Variants in STK10 observed in about 807,000 individuals in gnomAD.
STK10 encodes serine/threonine kinase 10.
A neutral mutation model predicts 113.8 loss-of-function variants in STK10; 78 were observed. That is an observed-to-expected ratio of 0.69 (90% CI 0.57 to 0.83). The LOEUF is 0.83. STK10 is among the 40% of genes least tolerant of loss of function. The pLI is 0.00. For synonymous variants in STK10, 465 were observed against 494.7 expected, an observed-to-expected ratio of 0.94 and a Z score of 0.80; for missense variants, 1,109 against 1,280.1, an observed-to-expected ratio of 0.87 and a Z score of 2.04.
At chr5:172,186,113 A>G (rs1362069180) in intron 1 of STK10, among the ~76,000 whole-genome samples, 1 of 152,028 alleles carries the variant, frequency 6.6e-6, no homozygotes, top group Non-Finnish European at 1.5e-5. Flanking sequence ...GTCTCTACTA[A>G]AAAAACAAAA....
chr5:172,096,551 C>T lies in STK10; in HGVS notation c.880G>A (p.Val294Ile), dbSNP rs377461679. 53 of 1,613,290 alleles carry T rather than the reference C, an allele frequency of 3.3e-5. No individual in the cohort carries two copies. The East Asian group carries it at 5.1e-4, about 16-fold the overall frequency. The change falls in exon 8 of 19, where the codon GTC becomes ATC. Residue 294 changes from valine to isoleucine, a missense_variant. Physicochemically the swap from Val to Ile is conservative, Grantham distance 29. Around this residue, in one of 5 missense-constraint regions of STK10, gnomAD observed 885 missense variants for 991.1 expected, o/e 0.89. Transcript: ENST00000176763. ...GCCTTGTTACTGGTGATGCTGCTGACGAAGGGATGCTGAGGGGGCAAGATG... is the reference window on the plus strand; with the variant it reads ...GCCTTGTTACTGGTGATGCTGCTGATGAAGGGATGCTGAGGGGGCAAGATG... ...SAAQLLEHPF[V>I]SSITSNKALR...
At chr5:172,166,057 C>A (rs1190498245) in intron 1 of STK10, among the ~76,000 whole-genome samples, 1 of 152,144 alleles carries the variant, frequency 6.6e-6, no homozygotes, top group African/African-American at 2.4e-5. Flanking sequence ...CCTCCCAAAG[C>A]GCAGGGATTA....
intron 3 of STK10, among the ~76,000 whole-genome samples, chr5:172,123,591 CT>C (rs1388671485): frequency 6.6e-6 from 1 of 152,198 alleles, no homozygotes; most frequent in Admixed American, 6.5e-5. Flanking sequence ...TTTTCCCCTT[CT>C]TTTTTTAGTA....
chr5:172,173,536 C>T (rs1271234367), intron 1 of STK10, among the ~76,000 whole-genome samples: 3 of 152,220 alleles, frequency 2.0e-5, no homozygotes, highest in Admixed American at 1.3e-4. Flanking sequence ...CTACAACTCA[C>T]CCTGGGGCAG....
intron 16 of STK10, among the ~76,000 whole-genome samples, chr5:172,055,364 T>C (rs1196291802): frequency 3.3e-5 from 5 of 152,080 alleles, no homozygotes; most frequent in Admixed American, 3.3e-4. Context: ...TAAAAAATTA[T>C]TTTTTTGTAG....
At chr5:172,045,580 T>C (rs1767480548) in intron 18 of STK10, 1 of 380,976 alleles carries the variant, frequency 2.6e-6, no homozygotes, top group Admixed American at 3.3e-5. Context: ...AGGCCTTCTG[T>C]ACTGTACAAA....
chr5:172,182,522 C>T (rs1291273749), intron 1 of STK10, among the ~76,000 whole-genome samples: 2 of 150,470 alleles, frequency 1.3e-5, no homozygotes, highest in East Asian at 3.9e-4. Flanking sequence ...TAGCTGGGAC[C>T]ACGGGCGCAT....
At position 172,188,023 on chromosome 5, in the gene STK10, C is replaced by T. The variant is rs751520134; in HGVS notation, c.20G>A (p.Arg7His). 2.5e-6 allele frequency: 4 copies of T among 1,612,802 alleles called. No homozygotes were observed. The highest frequency in any genetic ancestry group is 2.5e-6 in the Non-Finnish European group (3 of 1,179,610). The change falls in exon 1 of 19, where the codon CGC (arginine) becomes CAC (histidine). Residue 7 changes from arginine (R) to histidine (H), a missense_variant. This residue lies in a region of STK10 where 57 missense variants were observed against 53.6 expected (regional missense o/e 1.06). Coordinates refer to ENST00000176763, the MANE Select transcript of STK10 (RefSeq NM_005990.4). This position sits in a 1 kb window ranked among gnomAD's most constrained non-coding sequence, Gnocchi z 5.6. MAFANF[R>H]RILRLSTFEK... ...GAAGGTAGACAGGCGCAGGATGCGG[C>T]GGAAATTGGCAAAAGCCATGGCCGG...
At chr5:172,062,760 G>A (rs1017531908) in intron 13 of STK10, among the ~76,000 whole-genome samples, 4 of 152,204 alleles carry the variant, frequency 2.6e-5, no homozygotes, top group Middle Eastern at 3.2e-3. Flanking sequence ...GGAGAATTAC[G>A]GTTTGATGGG....
At chr5:172,097,344 T>C (rs971115285) in intron 7 of STK10, among the ~76,000 whole-genome samples, 1 of 152,200 alleles carries the variant, frequency 6.6e-6, no homozygotes, top group African/African-American at 2.4e-5. Flanking sequence ...CCAGCCTCAA[T>C]GACTTTTTAC....
chr5:172,156,088 C>T (rs1053462794), intron 2 of STK10, among the ~76,000 whole-genome samples: 5 of 152,074 alleles, frequency 3.3e-5, no homozygotes, highest in African/African-American at 4.8e-5. Flanking sequence ...TGGAGAATAG[C>T]GGGCTGGTAA....
chr5:172,047,430 C>A (rs1366935987), intron 18 of STK10, among the ~76,000 whole-genome samples: 2 of 152,202 alleles, frequency 1.3e-5, no homozygotes, highest in Admixed American at 1.3e-4. Context: ...ACCAGGTGGA[C>A]GTTCATTTCC....
intron 3 of STK10, among the ~76,000 whole-genome samples, chr5:172,124,776 G>A (rs1230748117): frequency 6.6e-6 from 1 of 152,042 alleles, no homozygotes; most frequent in Admixed American, 6.6e-5. Context: ...TATCCTGTGA[G>A]GTCAACTCTT....
At chr5:172,124,650 T>C (rs1429890969) in intron 3 of STK10, among the ~76,000 whole-genome samples, 5 of 152,154 alleles carry the variant, frequency 3.3e-5, no homozygotes, top group African/African-American at 1.2e-4. Context: ...GAGATGGGTT[T>C]GGATCATAAT....
chr5:172,168,709 C>A (rs1008105824), intron 1 of STK10, among the ~76,000 whole-genome samples: 1 of 152,198 alleles, frequency 6.6e-6, no homozygotes, highest in African/African-American at 2.4e-5. Flanking sequence ...GAGAAACTGA[C>A]TTGTCCCAGG....
chr5:172,151,273 G>A (rs1162675936), intron 2 of STK10, among the ~76,000 whole-genome samples: 1 of 152,198 alleles, frequency 6.6e-6, no homozygotes, highest in African/African-American at 2.4e-5. Context: ...CACAGTAAGT[G>A]GCAGGCAGGA....
intron 2 of STK10, among the ~76,000 whole-genome samples, chr5:172,147,001 G>A (rs1770101092): frequency 6.6e-6 from 1 of 152,202 alleles, no homozygotes; most frequent in African/African-American, 2.4e-5. Flanking sequence ...CGAGGCCTCT[G>A]GACCTTCTGA....
chr5:172,107,678 T>TGCCCATAGGCTGACCGGGC, intron 5 of STK10, 102 bp downstream of exon 5: 1 of 1,075,814 alleles, frequency 9.3e-7, no homozygotes. Flanking sequence ...GCAGGGCGTG[T>TGCCCATAGGCTGACCGGGC]AGCCCTTGTC....
chr5:172,055,583 C>T lies in STK10; in HGVS notation c.2526+5G>A. 1 of 1,471,622 alleles carries T rather than the reference C, an allele frequency of 6.8e-7. No individual in the cohort carries two copies. The highest frequency in any genetic ancestry group is 9.1e-7 in the Non-Finnish European group (1 of 1,101,514). The allele number at this position is 1,471,622 out of a possible 1,614,324, so 91.2% of individuals were successfully genotyped here. A position where few individuals can be genotyped will look rare whatever the true frequency, so the allele number is the denominator to read the frequency against. ...ACTTGCAGACCCCGCAGGCCCGGCC[C>T]CCACCTGCTTGATCTTCTCACGCTG... On this transcript the variant is annotated splice_donor_5th_base_variant and intron_variant, in intron 16 of 18. Coordinates refer to ENST00000176763, the MANE Select transcript of STK10 (RefSeq NM_005990.4).
Sources: allele counts gnomAD v4.1 joint callset (sites outside exome capture counted in the v4.1 genomes callset), GRCh38; gene constraint gnomAD v4.1.1; regional missense constraint gnomAD v4.1.1; non-coding constraint Gnocchi (gnomAD v3.1); transcripts MANE v1.5; gene names NCBI Gene and HGNC (gene_info 2026-07-23, HGNC 2026-07-21).